The following ZNF596 variants were observed in gnomAD, a reference collection of about 807,000 sequenced individuals.
ZNF596 encodes the protein zinc finger protein 596.
Under a neutral mutation model 48.3 loss-of-function variants are expected in ZNF596, and 45 were observed. The observed-to-expected ratio is 0.93, with a 90% CI of 0.73 to 1.19. ZNF596 has a LOEUF of 1.19. Among genes scored for constraint, ZNF596 ranks in the 50% most tolerant of loss-of-function variants. The pLI is 0.00. For missense variants in ZNF596, 848 were observed against 599.7 expected, an observed-to-expected ratio of 1.41 and a Z score of -4.32; for synonymous variants, 270 against 202.0, an observed-to-expected ratio of 1.34 and a Z score of -2.85.
intron 1 of ZNF596, chr8:235,035 A>T (rs1034878541): frequency 6.6e-6 from 1 of 152,254 alleles, no homozygotes; most frequent in South Asian, 2.1e-4. Flanking sequence ...TAAAACAATG[A>T]ATCAGTATTG....
At position 244,640 on chromosome 8, in the gene ZNF596, A is replaced by G. The variant is rs1227193799; in HGVS notation, c.245A>G (p.His82Arg). 2 of 1,613,108 alleles carry G rather than the reference A, an allele frequency of 1.2e-6. No individual in the cohort carries two copies. Among genetic ancestry groups the G allele is most frequent in the South Asian group, 1.1e-5 (1 of 90,956 alleles). The change falls in exon 5 of 6, where the codon CAT (histidine) becomes CGT (arginine). Residue 82 changes from histidine to arginine, a missense_variant. By Grantham distance (29) the His-to-Arg change is conservative. Coordinates refer to ENST00000398612, the MANE Select transcript of ZNF596 (RefSeq NM_001042416.3). ...LLQGREVGIK[H>R]QEIPFIQHIY... Reference sequence around the variant, plus strand: ...TCAGGTAGAGAAGTTGGCATTAAACATCAAGAGATACCATTCATTCAACAT... The same window carrying G: ...TCAGGTAGAGAAGTTGGCATTAAACGTCAAGAGATACCATTCATTCAACAT...
In ZNF596 at chr8:243,774, A is replaced by G; in HGVS notation, c.192A>G (p.Lys64=). Residue 64 remains lysine, a synonymous_variant, in exon 4 of 6, where the codon AAA becomes AAG. Coordinates refer to ENST00000398612, the MANE Select transcript of ZNF596 (RefSeq NM_001042416.3). ...VVLSQLEQVE[K]LSTQRISLLQ... ...TTTCCCAATTGGAGCAAGTAGAGAA[A>G]CTTTCAACACAAAGAATAAGCTTAC... 1.9e-6 allele frequency: 3 copies of G among 1,613,776 alleles called. No homozygotes were observed. Among genetic ancestry groups the G allele is most frequent in the Non-Finnish European group, 2.5e-6 (3 of 1,179,802 alleles).
chr8:243,687 A>T (rs369642471), intron 3 of ZNF596, 35 bp from the exon 4 acceptor site: 1 of 1,606,718 alleles, frequency 6.2e-7, no homozygotes, highest in East Asian at 2.2e-5. Flanking sequence ...GTCAGCACAG[A>T]ACTCAAAATC....
chr8:244,546 G>T, intron 4 of ZNF596, 73 bp from the exon 5 acceptor site: 1 of 982,648 alleles, frequency 1.0e-6, no homozygotes. Context: ...ACACTCAAAT[G>T]GGCTTTGGAG....
rs140526205 is a variant in ZNF596, at chr8:232,710, G to C, written c.-73+16G>C. ...GCGGCCTCAGGTCCCGATTCGGCAT[G>C]TGGCTTGTCTTCCATCGTCCCCACC... On this transcript the variant is annotated intron_variant, in intron 1 of 5. Coordinates refer to ENST00000398612, the MANE Select transcript of ZNF596 (RefSeq NM_001042416.3). 11,478 of 393,328 alleles carry C rather than the reference G, an allele frequency of 0.029. 210 individuals carry two copies. The highest frequency in any genetic ancestry group is 0.045 in the Middle Eastern group (53 of 1,170). The allele number at this position is 393,328 out of a possible 1,614,324, so 24.4% of individuals were successfully genotyped here.
At chr8:232,407 T>C (rs935706788), upstream of ZNF596, 18 of 198,084 alleles carry the variant, frequency 9.1e-5, no homozygotes, top group Non-Finnish European at 2.1e-4. Flanking sequence ...GGAGCCGAGG[T>C]CCGCTCGGGT....
chr8:240,013 A>C (rs1048163146), intron 1 of ZNF596, among the ~76,000 whole-genome samples: 3 of 152,190 alleles, frequency 2.0e-5, no homozygotes, highest in Non-Finnish European at 4.4e-5. Flanking sequence ...AAAAAGAACA[A>C]AAGCTTCTCC....
At chr8:233,183 C>T (rs1796485336) in intron 1 of ZNF596, 1 of 461,302 alleles carries the variant, frequency 2.2e-6, no homozygotes, top group African/African-American at 2.1e-5. Flanking sequence ...GGAGAGTGAC[C>T]TGAGCAAGTA....
chr8:244,376 C>G, intron 4 of ZNF596: 1 of 509,204 alleles, frequency 2.0e-6, no homozygotes, highest in Admixed American at 3.8e-5. Context: ...CATACTAGCC[C>G]TTTATAATGG....
At chr8:235,633 T>G (rs1470586302) in intron 1 of ZNF596, among the ~76,000 whole-genome samples, 1 of 152,232 alleles carries the variant, frequency 6.6e-6, no homozygotes, top group Non-Finnish European at 1.5e-5. Context: ...AGATGCTATT[T>G]TATATTCTGT....
At chr8:240,931 A>G (rs746789467) in intron 2 of ZNF596, 24 bp downstream of exon 2, 1 of 1,613,956 alleles carries the variant, frequency 6.2e-7, no homozygotes, top group Non-Finnish European at 8.5e-7. Context: ...TCTTCTTTCT[A>G]CTGAAATTTG....
chr8:232,471 G>A lies in ZNF596; in HGVS notation c.-296G>A, dbSNP rs533300798. 5.3e-4 allele frequency: 149 copies of A among 282,868 alleles called. No individual in the cohort carries two copies. Among genetic ancestry groups the A allele is most frequent in the African/African-American group, 3.1e-3 (132 of 43,082 alleles). 17.5% of individuals were successfully genotyped at this position (282,868 alleles called of 1,614,324 possible). ...CCAGCCACGCAGTTCCCTTCCTGCGGCGTCCTCCACACCCGGGGTCTGCTG... is the reference window on the plus strand; with the variant it reads ...CCAGCCACGCAGTTCCCTTCCTGCGACGTCCTCCACACCCGGGGTCTGCTG... On this transcript the variant is annotated 5_prime_UTR_variant, in exon 1 of 6. Coordinates refer to ENST00000398612, the MANE Select transcript of ZNF596 (RefSeq NM_001042416.3).
intron 2 of ZNF596, among the ~76,000 whole-genome samples, chr8:241,730 G>A (rs1162059973): frequency 1.3e-5 from 2 of 152,132 alleles, no homozygotes; most frequent in Non-Finnish European, 2.9e-5. Flanking sequence ...AGTACCTAGT[G>A]CATTAGTCCA....
chr8:245,881 C>G lies in ZNF596; in HGVS notation c.1034C>G (p.Ser345Cys), dbSNP rs1797057138. 1 of 1,613,600 alleles carries G rather than the reference C, an allele frequency of 6.2e-7. No individual in the cohort carries two copies. Residue 345 changes from serine to cysteine, a missense_variant, in exon 6 of 6, where the codon TCT becomes TGT. Ser to Cys is a moderately radical substitution (Grantham distance 112). Transcript: ENST00000398612. ...YECHLCGKAF[S>C]HCSHLRQHER... The stretch of plus-strand genomic sequence containing the variant: ...TGTCATCTATGTGGAAAAGCCTTCT[C>G]TCATTGTTCTCACCTTAGACAACAT...
intron 1 of ZNF596, among the ~76,000 whole-genome samples, chr8:238,628 CA>C (rs1167168569): frequency 0.026 from 1,025 of 39,782 alleles, 6 homozygotes; most frequent in African/African-American, 0.054. Flanking sequence ...TGGTGAAATA[CA>C]AAAAAAAAAA....
chr8:233,809 G>A (rs1024756894), intron 1 of ZNF596: 7 of 152,220 alleles, frequency 4.6e-5, no homozygotes, highest in Middle Eastern at 3.2e-3. Context: ...TAATCAATAT[G>A]ATTAAAACCG....
At chr8:236,738 A>C (rs1796632672) in intron 1 of ZNF596, among the ~76,000 whole-genome samples, 1 of 152,188 alleles carries the variant, frequency 6.6e-6, no homozygotes, top group South Asian at 2.1e-4. Flanking sequence ...ATTGCAATAA[A>C]CTCCACTTTA....
chr8:244,036 C>T lies in ZNF596; in HGVS notation c.223+231C>T, dbSNP rs141652628. 706 of 310,484 alleles carry T rather than the reference C, an allele frequency of 2.3e-3. 3 individuals are homozygous for T. The highest frequency in any genetic ancestry group is 0.013 in the African/African-American group (576 of 44,986). 19.2% of individuals were successfully genotyped at this position (310,484 alleles called of 1,614,324 possible). ...CCGAGTAGCTAGGACTACAGGTGTG[C>T]GCCACCATGCCCAGCTAATTTTTTT... is the stretch of plus-strand genomic sequence containing the variant. On this transcript the variant is annotated intron_variant, in intron 4 of 5. Coordinates refer to ENST00000398612, the MANE Select transcript of ZNF596 (RefSeq NM_001042416.3).
chr8:240,240 A>T (rs554911860), intron 1 of ZNF596: 1 of 152,444 alleles, frequency 6.6e-6, no homozygotes, highest in South Asian at 2.1e-4. Flanking sequence ...TAAGGAATCC[A>T]CCATGATAAA....
Sources: gnomAD v4.1 joint callset for allele counts (sites outside exome capture counted in the v4.1 genomes callset) on GRCh38, gnomAD v4.1.1 for gene constraint, MANE v1.5 for transcripts, NCBI Gene and HGNC (gene_info 2026-07-23, HGNC 2026-07-21) for gene names.